The following MFHAS1 variants were observed in gnomAD, a reference collection of about 807,000 sequenced individuals.
MFHAS1 encodes the protein malignant fibrous histiocytoma-amplified sequence 1.
A neutral mutation model predicts 70.4 loss-of-function variants in MFHAS1; 50 were observed. That is an observed-to-expected ratio of 0.71 (90% CI 0.57 to 0.90). MFHAS1 has a LOEUF of 0.90. MFHAS1 is among the 40% of genes least tolerant of loss of function. MFHAS1 has a pLI of 0.00. For missense variants in MFHAS1, 1,795 were observed against 1,347.6 expected, an observed-to-expected ratio of 1.33 and a Z score of -5.20; for synonymous variants, 952 against 620.0, an observed-to-expected ratio of 1.54 and a Z score of -7.96.
intron 1 of MFHAS1, among the ~76,000 whole-genome samples, chr8:8,801,005 G>A (rs1281625236): frequency 2.0e-5 from 3 of 152,010 alleles, no homozygotes; most frequent in Non-Finnish European, 2.9e-5. Context: ...CACAAGGTCC[G>A]GACATCGAGA....
At chr8:8,857,248 T>C (rs1305902665) in intron 1 of MFHAS1, among the ~76,000 whole-genome samples, 1 of 152,202 alleles carries the variant, frequency 6.6e-6, no homozygotes, top group Non-Finnish European at 1.5e-5. Flanking sequence ...ATTGTTTAGT[T>C]ACTAAACTGC....
intron 1 of MFHAS1, among the ~76,000 whole-genome samples, chr8:8,819,010 G>A (rs1806846423): frequency 6.6e-6 from 1 of 152,184 alleles, no homozygotes; most frequent in South Asian, 2.1e-4. Flanking sequence ...AGTCTTTAGT[G>A]TTGTTTCTGG....
At chr8:8,832,924 G>A (rs537213524) in intron 1 of MFHAS1, among the ~76,000 whole-genome samples, 120 of 152,164 alleles carry the variant, frequency 7.9e-4, no homozygotes, top group African/African-American at 2.1e-3. Context: ...ACTTGAGACC[G>A]GGTAATTTAT....
At chr8:8,847,126 T>C (rs1179477186) in intron 1 of MFHAS1, among the ~76,000 whole-genome samples, 1 of 152,200 alleles carries the variant, frequency 6.6e-6, no homozygotes, top group Non-Finnish European at 1.5e-5. Flanking sequence ...TTTTCGTAAT[T>C]GGCAGGAAGA....
intron 1 of MFHAS1, among the ~76,000 whole-genome samples, chr8:8,860,794 G>C (rs902695715): frequency 7.9e-5 from 12 of 152,208 alleles, no homozygotes; most frequent in Non-Finnish European, 2.9e-5. Flanking sequence ...GGGTGAGAGA[G>C]ATGTTTGCTC....
chr8:8,891,397 A>G lies in MFHAS1; in HGVS notation c.1662T>C (p.Ile554=). ...ERELEEKCLD[I]HRQIALQEKH... ...TCTCCTGCAGGGCGATCTGGCGGTG[A>G]ATGTCCAGACATTTCTCCTCCAGCT... The change falls in exon 1 of 3, where the codon ATT becomes ATC. Residue 554 remains isoleucine, a synonymous_variant. Transcript: ENST00000276282. The surrounding 1 kb of genome is among the most constrained non-coding windows in gnomAD (Gnocchi z 5.4). 2.5e-6 allele frequency: 4 copies of G among 1,612,400 alleles called. No homozygotes were observed. Among genetic ancestry groups the G allele is most frequent in the Non-Finnish European group, 3.4e-6 (4 of 1,180,006 alleles).
At position 8,855,555 on chromosome 8, in the gene MFHAS1, A is replaced by T. The variant is rs1585054061; in HGVS notation, c.2998+34506T>A. 2.0e-5 allele frequency among the ~76,000 whole-genome samples: 3 copies of T among 152,186 alleles called. No homozygotes were observed. The East Asian group carries it at 5.8e-4, about 29-fold the overall frequency. On this transcript the variant is annotated intron_variant, in intron 1 of 2. Transcript: ENST00000276282. Reference sequence around the variant, plus strand: ...ACAGATTCTTTAATCCTGATTCATGAACTCGCTACAGTGTTTTCAGCCAGG... The same window carrying T: ...ACAGATTCTTTAATCCTGATTCATGTACTCGCTACAGTGTTTTCAGCCAGG...
intron 2 of MFHAS1, among the ~76,000 whole-genome samples, chr8:8,796,696 A>AAAAAAAGGC (rs1805911880): frequency 1.0e-5 from 1 of 97,448 alleles, no homozygotes. Flanking sequence ...AACAAAAAAA[A>AAAAAAAGGC]AAAAAAAGGC....
rs568603791 is a variant in MFHAS1 at position 8,846,247 on chromosome 8, T to G, written c.2998+43814A>C. Among the ~76,000 whole-genome samples, 39 of 86,850 alleles carry G rather than the reference T, an allele frequency of 4.5e-4. 1 individual carries two copies. Among genetic ancestry groups the G allele is most frequent in the African/African-American group, 1.8e-3 (38 of 20,672 alleles). 57.0% of individuals were successfully genotyped at this position (86,850 alleles called of 152,430 possible). A position where few individuals can be genotyped will look rare whatever the true frequency, so the allele number is the denominator to read the frequency against. ...CAGCCTGAGCGACAGAGCGAGACTC[T>G]GTCTCCAAAAAAAAGGGGGGGGGGG... On this transcript the variant is annotated intron_variant, in intron 1 of 2. Transcript: ENST00000276282.
At chr8:8,786,204 G>T in intron 2 of MFHAS1, 149 bp from the exon 3 acceptor site, 2 of 732,792 alleles carry the variant, frequency 2.7e-6, no homozygotes, top group South Asian at 3.4e-5. Flanking sequence ...ACATGTAAAT[G>T]TCAGGCAACT....
chr8:8,817,355 G>A (rs1806785641), intron 1 of MFHAS1, among the ~76,000 whole-genome samples: 1 of 152,146 alleles, frequency 6.6e-6, no homozygotes, highest in Admixed American at 6.5e-5. Flanking sequence ...TTGTATCAGA[G>A]GTAATTCGCT....
intron 1 of MFHAS1, among the ~76,000 whole-genome samples, chr8:8,885,151 G>C (rs1366828454): frequency 6.6e-6 from 1 of 152,026 alleles, no homozygotes; most frequent in Non-Finnish European, 1.5e-5. Context: ...TTGTCGGAGA[G>C]GTACACTCCG....
chr8:8,814,449 G>T (rs1462586633), intron 1 of MFHAS1, among the ~76,000 whole-genome samples: 1 of 152,130 alleles, frequency 6.6e-6, no homozygotes, highest in Non-Finnish European at 1.5e-5. Flanking sequence ...TGTCATGTTC[G>T]CACGATGACA....
chr8:8,821,379 G>C lies in MFHAS1; in HGVS notation c.2999-23888C>G, dbSNP rs186042509. Reference sequence around the variant, plus strand: ...GGATTTCATCACGCCGAATTTTACAGAATGCAAGTAAGTATGTACAAAGAT... The same window carrying C: ...GGATTTCATCACGCCGAATTTTACACAATGCAAGTAAGTATGTACAAAGAT... On this transcript the variant is annotated intron_variant, in intron 1 of 2. Coordinates refer to ENST00000276282, the MANE Select transcript of MFHAS1 (RefSeq NM_004225.3). Among the ~76,000 whole-genome samples the C allele has an allele frequency of 7.2e-5, 11 of 152,328 alleles. No homozygotes were observed. In the East Asian group the frequency reaches 2.1e-3, roughly 29 times the overall value.
chr8:8,846,396 C>A (rs1472065268), intron 1 of MFHAS1, among the ~76,000 whole-genome samples: 1 of 151,506 alleles, frequency 6.6e-6, no homozygotes, highest in Non-Finnish European at 1.5e-5. Flanking sequence ...GACCACTGGT[C>A]ACCAGCTCCA....
chr8:8,787,017 G>C (rs1805567515), intron 2 of MFHAS1, among the ~76,000 whole-genome samples: 1 of 151,774 alleles, frequency 6.6e-6, no homozygotes, highest in African/African-American at 2.4e-5. Flanking sequence ...GTTCACTCTA[G>C]TGCATTATTT....
chr8:8,828,767 A>G (rs1807258441), intron 1 of MFHAS1, among the ~76,000 whole-genome samples: 1 of 152,208 alleles, frequency 6.6e-6, no homozygotes, highest in African/African-American at 2.4e-5. Flanking sequence ...CATAGCCTGG[A>G]AAGAGCTGGC....
intron 1 of MFHAS1, among the ~76,000 whole-genome samples, chr8:8,826,305 T>C (rs1015725514): frequency 2.0e-5 from 3 of 151,802 alleles, no homozygotes; most frequent in African/African-American, 7.2e-5. Flanking sequence ...CCAATATCCC[T>C]TCTCCTCTTC....
chr8:8,808,976 T>A (rs1806442723), intron 1 of MFHAS1, among the ~76,000 whole-genome samples: 1 of 152,070 alleles, frequency 6.6e-6, no homozygotes, highest in Admixed American at 6.6e-5. Flanking sequence ...CCACTCCCCA[T>A]TGCTCAAATT....
Sources: allele counts gnomAD v4.1 joint callset (sites outside exome capture counted in the v4.1 genomes callset), GRCh38; gene constraint gnomAD v4.1.1; non-coding constraint Gnocchi (gnomAD v3.1); transcripts MANE v1.5; gene names NCBI Gene and HGNC (gene_info 2026-07-23, HGNC 2026-07-21).